Variants in ZNF248 observed in about 807,000 individuals in gnomAD.
ZNF248 encodes zinc finger protein 248.
A neutral mutation model predicts 44.3 loss-of-function variants in ZNF248; 20 were observed. The ratio of observed to expected loss-of-function variants is 0.45; its 90% confidence interval spans 0.32 to 0.66. ZNF248 has a LOEUF of 0.66. ZNF248 is among the 30% of genes least tolerant of loss of function. The pLI, the probability that ZNF248 is intolerant of heterozygous loss-of-function variation, is 0.04. For missense variants in ZNF248, 654 were observed against 677.0 expected, an observed-to-expected ratio of 0.97 and a Z score of 0.38; for synonymous variants, 224 against 229.0, an observed-to-expected ratio of 0.98 and a Z score of 0.20.
chr10:37,782,596 T>C (rs996803301), intron 6 of ZNF248, among the ~76,000 whole-genome samples: 8 of 152,258 alleles, frequency 5.3e-5, no homozygotes, highest in Admixed American at 1.3e-4. Flanking sequence ...CAAGTTAAAA[T>C]GAGGTCACAG....
chr10:37,850,819 A>G (rs991323518), intron 3 of ZNF248, among the ~76,000 whole-genome samples: 2 of 152,150 alleles, frequency 1.3e-5, no homozygotes, highest in Non-Finnish European at 2.9e-5. Context: ...TAAATAGATG[A>G]AGTACTTAAA....
chr10:37,790,636 G>A (rs2133058996), intron 6 of ZNF248, among the ~76,000 whole-genome samples: 2 of 152,064 alleles, frequency 1.3e-5, no homozygotes, highest in East Asian at 3.9e-4. Context: ...CTTGAACCTG[G>A]GAGGCAGTGG....
At chr10:37,844,406 G>C (rs1208649) in intron 3 of ZNF248, among the ~76,000 whole-genome samples, 9,112 of 152,130 alleles carry the variant, frequency 0.06, 351 homozygotes, top group Middle Eastern at 0.095. Flanking sequence ...GCCGTATGAA[G>C]AAATAAAGAG....
chr10:37,778,940 TAC>T (rs1180172203), intron 6 of ZNF248, among the ~76,000 whole-genome samples: 1 of 152,084 alleles, frequency 6.6e-6, no homozygotes, highest in East Asian at 1.9e-4. Flanking sequence ...CCTCAACACA[TAC>T]ACTCTCCCAA....
chr10:37,808,235 T>C (rs2050890509), intron 6 of ZNF248, among the ~76,000 whole-genome samples: 1 of 151,772 alleles, frequency 6.6e-6, no homozygotes, highest in Non-Finnish European at 1.5e-5. Flanking sequence ...ATATATAATC[T>C]TTTTTTCTTA....
At chr10:37,810,029 G>C (rs1219048414) in intron 6 of ZNF248, among the ~76,000 whole-genome samples, 1 of 152,184 alleles carries the variant, frequency 6.6e-6, no homozygotes, top group Non-Finnish European at 1.5e-5. Context: ...GTTGGATATA[G>C]TGTTGTGTAC....
At chr10:37,833,235 G>A (rs975869169) in intron 5 of ZNF248, 119 bp from the exon 6 acceptor site, 4 of 1,377,588 alleles carry the variant, frequency 2.9e-6, no homozygotes, top group Non-Finnish European at 3.8e-6. Flanking sequence ...CAGTTTCCTG[G>A]TGTGAACTGA....
chr10:37,812,689 C>T (rs1454079480), intron 6 of ZNF248, among the ~76,000 whole-genome samples: 2 of 152,080 alleles, frequency 1.3e-5, no homozygotes, highest in Non-Finnish European at 2.9e-5. Flanking sequence ...TCAAAGACAT[C>T]AAAGTGGTCT....
the ZNF248 span, among the ~76,000 whole-genome samples, chr10:37,759,322 T>G: frequency 6.6e-6 from 1 of 152,092 alleles, no homozygotes; most frequent in Non-Finnish European, 1.5e-5. Context: ...CTTCTGAGAG[T>G]ATGATGGAAG....
chr10:37,855,825 A>C (rs2061191720), intron 3 of ZNF248, among the ~76,000 whole-genome samples: 1 of 152,246 alleles, frequency 6.6e-6, no homozygotes. Context: ...CGGAACTGTC[A>C]GTGATTCAAC....
chr10:37,857,779 C>G (rs928002363), upstream of ZNF248: 3 of 152,484 alleles, frequency 2.0e-5, no homozygotes, highest in Non-Finnish European at 4.4e-5. Context: ...TGCTACAGGA[C>G]TTCGCTGAGC....
In ZNF248 at chr10:37,857,457, C is replaced by T. The variant is rs1375879269; in HGVS notation, c.-398G>A. 1 of 152,266 alleles carries T rather than the reference C, an allele frequency of 6.6e-6. No homozygotes were observed. The highest frequency in any genetic ancestry group is 2.4e-5 in the African/African-American group (1 of 41,456). 9.4% of individuals were successfully genotyped at this position (152,266 alleles called of 1,614,324 possible). A position where few individuals can be genotyped will look rare whatever the true frequency, so the allele number is the denominator to read the frequency against. On this transcript the variant is annotated 5_prime_UTR_variant, in exon 1 of 6. Transcript: ENST00000395867. ...CCAGGGAACGCACACCCAATAAATACAGCACCTAAACAATGAAAGTGCTCA... is the reference window on the plus strand; with the variant it reads ...CCAGGGAACGCACACCCAATAAATATAGCACCTAAACAATGAAAGTGCTCA...
At chr10:37,812,607 A>G (rs909956905) in intron 6 of ZNF248, among the ~76,000 whole-genome samples, 24 of 152,170 alleles carry the variant, frequency 1.6e-4, no homozygotes, top group Admixed American at 3.9e-4. Flanking sequence ...CCTTTCTAGT[A>G]AGGGGCTGCC....
intron 3 of ZNF248, among the ~76,000 whole-genome samples, chr10:37,855,980 T>C (rs1412364374): frequency 1.3e-5 from 2 of 152,226 alleles, no homozygotes; most frequent in Admixed American, 6.5e-5. Context: ...CTGAAAAGCA[T>C]ATGCACTGAG....
At chr10:37,769,337 C>T in the ZNF248 span, among the ~76,000 whole-genome samples, 1 of 152,130 alleles carries the variant, frequency 6.6e-6, no homozygotes, top group Non-Finnish European at 1.5e-5. Flanking sequence ...AATTTTAGAC[C>T]AATATCCTTG....
the ZNF248 span, among the ~76,000 whole-genome samples, chr10:37,761,280 G>A: frequency 5.9e-5 from 9 of 152,184 alleles, no homozygotes; most frequent in Admixed American, 5.2e-4. Flanking sequence ...CATCCCTTAG[G>A]TCATGAAGGC....
At chr10:37,821,025 G>A (rs1346291057) in intron 6 of ZNF248, 1 of 1,205,282 alleles carries the variant, frequency 8.3e-7, no homozygotes, top group South Asian at 1.2e-5. Context: ...GGTGCTCTGG[G>A]ATCCCAAAGA....
chr10:37,785,825 G>A (rs1371303306), intron 6 of ZNF248, among the ~76,000 whole-genome samples: 1 of 152,248 alleles, frequency 6.6e-6, no homozygotes. Flanking sequence ...GATTCTTGAA[G>A]ATTGGTAAAT....
Position 37,819,132 on chromosome 10 carries a change from T to A in ZNF248, c.330+13893A>T, listed in dbSNP as rs2053051720. 7 of 789,280 alleles carry A rather than the reference T, an allele frequency of 8.9e-6. No homozygotes were observed. The Admixed American group carries it at 1.2e-4, about 14-fold the overall frequency. 48.9% of individuals were successfully genotyped at this position (789,280 alleles called of 1,614,324 possible). On this transcript the variant is annotated intron_variant, in intron 6 of 6. Transcript: ENST00000615949. ...ACTGTACCATTTACTAAAAGAATAT[T>A]CCCTGGTTTGAGGTCATAGTGTATG...
Sources: allele counts gnomAD v4.1 joint callset (sites outside exome capture counted in the v4.1 genomes callset), GRCh38; gene constraint gnomAD v4.1.1; transcripts MANE v1.5; gene names NCBI Gene and HGNC (gene_info 2026-07-23, HGNC 2026-07-21).